Variants in PCYT2 observed in about 807,000 individuals in gnomAD.
PCYT2 encodes ethanolamine-phosphate cytidylyltransferase.
A neutral mutation model predicts 50.0 loss-of-function variants in PCYT2; 33 were observed. That is an observed-to-expected ratio of 0.66 (90% CI 0.50 to 0.88). PCYT2 has a LOEUF of 0.88. PCYT2 is among the 40% of genes least tolerant of loss of function. The pLI is 0.00. For synonymous variants in PCYT2, 240 were observed against 203.7 expected (o/e 1.18, Z -1.52); for missense variants, 430 against 519.7 (o/e 0.83, Z 1.68).
In PCYT2 at chr17:81,901,562, G is replaced by A. The variant is rs1457254628; in HGVS notation, c.*3271C>T. ...CATGACCAGGACCTTGGGGGAGCAT[G>A]AAATGGTGAGGGCACAGTGAGCTTG... On this transcript the variant is annotated 3_prime_UTR_variant, in exon 13 of 13. Transcript: ENST00000538936. 1.3e-5 allele frequency: 2 copies of A among 152,322 alleles called. No individual in the cohort carries two copies. Among genetic ancestry groups the A allele is most frequent in the Admixed American group, 6.5e-5 (1 of 15,294 alleles). 9.4% of individuals were successfully genotyped at this position (152,322 alleles called of 1,614,324 possible).
chr17:81,907,729 G>A (rs1340992438), intron 5 of PCYT2, 44 bp downstream of exon 5: 2 of 1,602,876 alleles, frequency 1.2e-6, no homozygotes, highest in South Asian at 2.2e-5. Context: ...CTTTCCCCTG[G>A]AGACCTCGAC....
chr17:81,906,841 T>C lies in PCYT2; in HGVS notation c.595A>G (p.Lys199Glu). Residue 199 changes from lysine to glutamate, a missense_variant, in exon 7 of 13, where the codon AAG becomes GAG. Lys to Glu is a moderately conservative substitution (Grantham distance 56). Coordinates refer to ENST00000538936, the MANE Select transcript of PCYT2 (RefSeq NM_002861.5). Reference protein sequence around the residue: ...GVSQFLQTSQKIIQFASGKEP... With the variant: ...GVSQFLQTSQEIIQFASGKEP... The stretch of plus-strand genomic sequence containing the variant: ...TTCCCAGAAGCAAACTGGATGATCT[T>C]CTGAGATGTCTGCAGGAACTGGGAT... The C allele has an allele frequency of 6.2e-7, 1 of 1,613,466 alleles. No individual in the cohort carries two copies. The highest frequency in any genetic ancestry group is 8.5e-7 in the Non-Finnish European group (1 of 1,179,966).
At position 81,904,813 on chromosome 17, in the gene PCYT2, C is replaced by T. The variant is rs775642154; in HGVS notation, c.*20G>A. On this transcript the variant is annotated 3_prime_UTR_variant, in exon 13 of 13. Coordinates refer to ENST00000538936, the MANE Select transcript of PCYT2 (RefSeq NM_002861.5). The stretch of plus-strand genomic sequence containing the variant: ...CGCAGAAGCAGAGCAGGGGGAGGGC[C>T]GGCCAGGGCCTCTGCCAGGTTAGAA... The T allele has an allele frequency of 1.8e-5, 27 of 1,536,256 alleles. No individual in the cohort carries two copies. The highest frequency in any genetic ancestry group is 1.6e-4 in the South Asian group (14 of 88,408).
rs191490396 is a variant in PCYT2 at position 81,902,657 on chromosome 17, G to T, written c.*2176C>A. 2 of 1,606,790 alleles carry T rather than the reference G, an allele frequency of 1.2e-6. No individual in the cohort carries two copies. Among genetic ancestry groups the T allele is most frequent in the Non-Finnish European group, 8.5e-7 (1 of 1,178,294 alleles). ...CAGGACGTCGCCCCAAACCTGCAGAGGTGCGAGCGGCTCCCCGACGGCCGC... is the reference window on the plus strand; with the variant it reads ...CAGGACGTCGCCCCAAACCTGCAGATGTGCGAGCGGCTCCCCGACGGCCGC... On this transcript the variant is annotated 3_prime_UTR_variant, in exon 13 of 13. Transcript: ENST00000538936.
chr17:81,908,841 TCCCCAGGC>T, intron 3 of PCYT2, 27 bp downstream of exon 3: 1 of 1,572,812 alleles, frequency 6.4e-7, no homozygotes. Flanking sequence ...CCACCTGATG[TCCCCAGGC>T]CCCCAGGTCC....
chr17:81,906,376 A>C, intron 8 of PCYT2, 88 bp downstream of exon 8: 1 of 1,398,892 alleles, frequency 7.1e-7, no homozygotes, highest in Non-Finnish European at 1.0e-6. Flanking sequence ...GCCCCTTCCC[A>C]GAGACCACCT....
chr17:81,907,193 T>C, intron 6 of PCYT2: 1 of 1,527,570 alleles, frequency 6.5e-7, no homozygotes, highest in East Asian at 2.4e-5. Flanking sequence ...CTGAGACCAC[T>C]GTCTGGTCAC....
rs368923480 is a variant in PCYT2 at position 81,907,559 on chromosome 17, C to T, written c.532G>A (p.Gly178Ser). The T allele has an allele frequency of 1.9e-6, 3 of 1,610,262 alleles. No homozygotes were observed. The highest frequency in any genetic ancestry group is 2.5e-6 in the Non-Finnish European group (3 of 1,178,836). ...SEYREYADSFGKCPGGRNPWT... is the reference protein window; with the variant it reads ...SEYREYADSFSKCPGGRNPWT... ...CCCTGCACAGCCGCACTCACCTTGCCAAAACTGTCTGCATACTCCCGGTAC... is the reference window on the plus strand; with the variant it reads ...CCCTGCACAGCCGCACTCACCTTGCTAAAACTGTCTGCATACTCCCGGTAC... The change falls in exon 6 of 13, where the codon GGC becomes AGC. Residue 178 changes from glycine to serine, a missense_variant. Gly to Ser is a moderately conservative substitution (Grantham distance 56, BLOSUM62 0). Transcript: ENST00000538936.
chr17:81,908,724 T>G, intron 3 of PCYT2, 90 bp from the exon 4 acceptor site: 1 of 1,340,696 alleles, frequency 7.5e-7, no homozygotes. Context: ...TGGCCTGCCC[T>G]AGTGTCCGCG....
chr17:81,910,604 C>T (rs1655675808), intron 1 of PCYT2, among the ~76,000 whole-genome samples: 1 of 152,178 alleles, frequency 6.6e-6, no homozygotes, highest in Admixed American at 6.5e-5. Context: ...TTCCTTTTCC[C>T]AGAGGTGACT....
chr17:81,907,638 C>G, intron 5 of PCYT2, 40 bp from the exon 6 acceptor site: 3 of 1,606,016 alleles, frequency 1.9e-6, no homozygotes, highest in Non-Finnish European at 2.6e-6. Context: ...GGCCTGCCCT[C>G]CCGGCGTGGC....
In PCYT2 at chr17:81,905,408, C is replaced by G; in HGVS notation, c.943G>C (p.Asp315His). 1 of 1,564,250 alleles carries G rather than the reference C, an allele frequency of 6.4e-7. No homozygotes were observed. The highest frequency in any genetic ancestry group is 1.2e-5 in the South Asian group (1 of 85,314). ...VCHGKTEIIPDRDGSDPYQEP... is the reference protein window; with the variant it reads ...VCHGKTEIIPHRDGSDPYQEP... ...TGGTATGGGTCGGAGCCATCCCTGT[C>G]AGGGATAATTTCTGTCTTGCCGTGA... The change falls in exon 11 of 13, where the codon GAC (aspartate) becomes CAC (histidine). Residue 315 changes from aspartate to histidine, a missense_variant. Asp to His is a moderately conservative substitution (Grantham distance 81). This residue lies in a region of PCYT2 where 248 missense variants were observed against 300.2 expected (regional missense o/e 0.83). Coordinates refer to ENST00000538936, the MANE Select transcript of PCYT2 (RefSeq NM_002861.5).
intron 2 of PCYT2, chr17:81,909,283 C>T (rs188965988): frequency 9.8e-6 from 14 of 1,429,766 alleles, no homozygotes; most frequent in Middle Eastern, 2.6e-4. Flanking sequence ...TTGGGAGCCT[C>T]GCTGGCAGTG....
chr17:81,907,385 A>G, intron 6 of PCYT2, 169 bp downstream of exon 6: 2 of 1,165,670 alleles, frequency 1.7e-6, no homozygotes, highest in East Asian at 5.1e-5. Context: ...CCTCCCTCCC[A>G]GCATCCACCA....
At chr17:81,909,449 A>G in intron 2 of PCYT2, 65 bp downstream of exon 2, 1 of 1,530,402 alleles carries the variant, frequency 6.5e-7, no homozygotes, top group Non-Finnish European at 9.0e-7. Flanking sequence ...GCAGGCTTTC[A>G]GTCAACAGTC....
rs142625466 is a variant in PCYT2 at position 81,905,088 on chromosome 17, C to T, written c.1036G>A (p.Val346Ile). Residue 346 changes from valine (V) to isoleucine (I), a missense_variant, in exon 12 of 13, where the codon GTC becomes ATC. Around this residue, in one of 4 missense-constraint regions of PCYT2, gnomAD observed 248 missense variants for 300.2 expected, o/e 0.83. Transcript: ENST00000538936. ...SGSNLTTDLI[V>I]QRIITNRLEY... The stretch of plus-strand genomic sequence containing the variant: ...CACCTGTTGGTGATGATCCGCTGGA[C>T]GATGAGGTCTGTGGTGAGGTTGCTG... 4.3e-6 allele frequency: 7 copies of T among 1,612,736 alleles called. No homozygotes were observed. Among genetic ancestry groups the T allele is most frequent in the Admixed American group, 3.3e-5 (2 of 59,970 alleles).
chr17:81,905,222 C>T (rs2040189135), intron 11 of PCYT2, 68 bp from the exon 12 acceptor site: 4 of 1,429,334 alleles, frequency 2.8e-6, no homozygotes, highest in Non-Finnish European at 3.9e-6. Context: ...ATCTGATGCC[C>T]TGCCCCAGAG....
rs200568219 is a variant in PCYT2 at position 81,909,501 on chromosome 17, C to T, written c.178+13G>A. ...CTGGGGGGCCGCGGGTGGGCGAGGC[C>T]ATCTGTGCTTACCATCGGTGTGCAC... On this transcript the variant is annotated intron_variant, in intron 2 of 12. Transcript: ENST00000538936. 9.1e-5 allele frequency: 146 copies of T among 1,608,480 alleles called. No individual in the cohort carries two copies. In the African/African-American group the frequency reaches 1.7e-3, roughly 19 times the overall value.
chr17:81,905,659 C>T lies in PCYT2; in HGVS notation c.903+11G>A, dbSNP rs540809800. 33 of 1,612,056 alleles carry T rather than the reference C, an allele frequency of 2.0e-5. No individual in the cohort carries two copies. The Admixed American group carries it at 2.3e-4, about 11-fold the overall frequency. ...ACAGAGGGAACGAGGTGAGCCCATG[C>T]GGAGCCTCACCTTGAAGTGACTTAG... is the stretch of plus-strand genomic sequence containing the variant. On this transcript the variant is annotated intron_variant, in intron 10 of 12. Transcript: ENST00000538936.
Sources: allele counts gnomAD v4.1 joint callset (sites outside exome capture counted in the v4.1 genomes callset), GRCh38; gene constraint gnomAD v4.1.1; regional missense constraint gnomAD v4.1.1; transcripts MANE v1.5; gene names NCBI Gene and HGNC (gene_info 2026-07-23, HGNC 2026-07-21).